MAF: variants seen among roughly 807,000 people sequenced by gnomAD.
MAF encodes the protein transcription factor Maf.
Under a neutral mutation model 22.0 loss-of-function variants are expected in MAF, and 10 were observed. The ratio of observed to expected loss-of-function variants is 0.45; its 90% confidence interval spans 0.28 to 0.77. The LOEUF (loss-of-function observed/expected upper bound fraction) is 0.77. MAF is among the 30% of genes least tolerant of loss of function. MAF has a pLI of 0.12. For missense variants in MAF, 544 were observed against 548.4 expected (o/e 0.99, Z 0.08); for synonymous variants, 337 against 255.8 (o/e 1.32, Z -3.03).
the MAF span, among the ~76,000 whole-genome samples, chr16:79,257,956 C>A: frequency 6.6e-6 from 1 of 152,256 alleles, no homozygotes; most frequent in Admixed American, 6.5e-5. Context: ...CTAAACTCTG[C>A]CATGATTTCT....
the MAF span, among the ~76,000 whole-genome samples, chr16:79,500,742 A>G: frequency 3.3e-5 from 5 of 152,178 alleles, 1 homozygote; most frequent in Non-Finnish European, 7.3e-5. Flanking sequence ...TTACTAGAAG[A>G]GTAAAAAAAG....
At chr16:79,540,261 G>A in the MAF span, among the ~76,000 whole-genome samples, 2 of 151,756 alleles carry the variant, frequency 1.3e-5, no homozygotes, top group Non-Finnish European at 2.9e-5. Flanking sequence ...GCACCTCCTT[G>A]TAATCCCCAG....
At chr16:79,383,976 G>A in the MAF span, among the ~76,000 whole-genome samples, 5 of 152,178 alleles carry the variant, frequency 3.3e-5, no homozygotes, top group Admixed American at 6.5e-5. Flanking sequence ...AAAGTCCAAA[G>A]GGCGTGGGTT....
At chr16:79,497,696 G>A in the MAF span, among the ~76,000 whole-genome samples, 5 of 152,170 alleles carry the variant, frequency 3.3e-5, no homozygotes, top group Non-Finnish European at 5.9e-5. Flanking sequence ...ACAATCCTTG[G>A]CATATAATGA....
chr16:79,330,627 A>G, the MAF span, among the ~76,000 whole-genome samples: 1 of 152,218 alleles, frequency 6.6e-6, no homozygotes, highest in Non-Finnish European at 1.5e-5. Context: ...CCTGTATTGA[A>G]GATGTTCTGT....
At chr16:79,482,832 C>T in the MAF span, among the ~76,000 whole-genome samples, 2 of 147,258 alleles carry the variant, frequency 1.4e-5, no homozygotes, top group African/African-American at 5.1e-5. Flanking sequence ...ATACATCATA[C>T]CCCCCTCCAT....
chr16:79,307,616 A>G, the MAF span, among the ~76,000 whole-genome samples: 1 of 152,352 alleles, frequency 6.6e-6, no homozygotes, highest in South Asian at 2.1e-4. Context: ...TGGTGTTAAC[A>G]ATACTGTCTG....
the MAF span, among the ~76,000 whole-genome samples, chr16:79,404,389 C>G: frequency 6.6e-6 from 1 of 152,082 alleles, no homozygotes; most frequent in Non-Finnish European, 1.5e-5. Context: ...GTCTCGATCT[C>G]TTGACCTCGT....
At chr16:79,467,056 T>C in the MAF span, among the ~76,000 whole-genome samples, 2 of 152,210 alleles carry the variant, frequency 1.3e-5, no homozygotes, top group South Asian at 4.1e-4. Context: ...ATCTTTTCAA[T>C]ATTAGAATAT....
the MAF span, among the ~76,000 whole-genome samples, chr16:79,292,445 C>A: frequency 2.0e-5 from 3 of 152,182 alleles, no homozygotes; most frequent in Admixed American, 1.3e-4. Context: ...CCTTACTATT[C>A]AACTTCTGGC....
the MAF span, among the ~76,000 whole-genome samples, chr16:79,394,259 C>A: frequency 6.6e-6 from 1 of 152,190 alleles, no homozygotes; most frequent in African/African-American, 2.4e-5. Context: ...AGCTTCCTTT[C>A]CTTCTTGCGG....
At chr16:79,483,975 T>G in the MAF span, among the ~76,000 whole-genome samples, 1 of 151,878 alleles carries the variant, frequency 6.6e-6, no homozygotes, top group Admixed American at 6.6e-5. Context: ...ATACCAGTGG[T>G]GGTAGGGATG....
At chr16:79,504,865 T>G in the MAF span, among the ~76,000 whole-genome samples, 1 of 152,202 alleles carries the variant, frequency 6.6e-6, no homozygotes, top group South Asian at 2.1e-4. Context: ...GACTATGACT[T>G]GTATGAATGC....
At chr16:79,214,551 A>G in the MAF span, among the ~76,000 whole-genome samples, 1 of 151,308 alleles carries the variant, frequency 6.6e-6, no homozygotes, top group Non-Finnish European at 1.5e-5. Context: ...GATTACAGGT[A>G]CACACCACCA....
chr16:79,596,094 C>T lies in MAF; in HGVS notation c.1119-1541G>A, dbSNP rs914419190. 13 of 1,062,456 alleles carry T rather than the reference C, an allele frequency of 1.2e-5. No homozygotes were observed. The Middle Eastern group carries it at 2.1e-3, about 172-fold the overall frequency. 65.8% of individuals were successfully genotyped at this position (1,062,456 alleles called of 1,614,324 possible). A position where few individuals can be genotyped will look rare whatever the true frequency, so the allele number is the denominator to read the frequency against. On this transcript the variant is annotated intron_variant, in intron 1 of 1. Transcript: ENST00000326043. ...ACCGTTCAATGCATATGTGCGCAAG[C>T]CACCTCTGATGCGCCATATTTGTCC... is the stretch of plus-strand genomic sequence containing the variant.
the MAF span, among the ~76,000 whole-genome samples, chr16:79,439,458 C>G: frequency 6.6e-6 from 1 of 151,868 alleles, no homozygotes; most frequent in Non-Finnish European, 1.5e-5. Context: ...GACAGGGTTT[C>G]ACCTTGTTAG....
the MAF span, among the ~76,000 whole-genome samples, chr16:79,550,952 T>C: frequency 5.3e-5 from 8 of 152,114 alleles, no homozygotes; most frequent in Non-Finnish European, 2.9e-5. Context: ...CTTTCCACCA[T>C]AGCCAGGACC....
At chr16:79,493,430 T>G in the MAF span, among the ~76,000 whole-genome samples, 1 of 152,150 alleles carries the variant, frequency 6.6e-6, no homozygotes, top group Non-Finnish European at 1.5e-5. Flanking sequence ...TCCACCCACC[T>G]CAGCATCCGA....
the MAF span, among the ~76,000 whole-genome samples, chr16:79,500,308 C>T: frequency 6.6e-6 from 1 of 152,326 alleles, no homozygotes; most frequent in East Asian, 1.9e-4. Flanking sequence ...CCATCTCCAC[C>T]AACATTCTTC....
Sources: gnomAD v4.1 joint callset for allele counts (sites outside exome capture counted in the v4.1 genomes callset) on GRCh38, gnomAD v4.1.1 for gene constraint, MANE v1.5 for transcripts, NCBI Gene and HGNC (gene_info 2026-07-23, HGNC 2026-07-21) for gene names.